The following CENPP variants were observed in gnomAD, a reference collection of about 807,000 sequenced individuals.
CENPP encodes centromere protein P.
In CENPP, 24 loss-of-function variants were observed where a neutral mutation model predicts 35.6. The observed-to-expected ratio is 0.67, with a 90% CI of 0.49 to 0.95. The LOEUF (loss-of-function observed/expected upper bound fraction) is 0.95. Among genes scored for constraint, CENPP ranks in the 40% least tolerant of loss-of-function variants. CENPP has a pLI of 0.00. For synonymous variants in CENPP, 120 were observed against 125.5 expected (o/e 0.96, Z 0.29); for missense variants, 332 against 345.3 (o/e 0.96, Z 0.31).
intron 5 of CENPP, among the ~76,000 whole-genome samples, chr9:92,453,004 G>T (rs1030744561): frequency 6.6e-6 from 1 of 151,928 alleles, no homozygotes; most frequent in Admixed American, 6.6e-5. Flanking sequence ...TTCTTTATTA[G>T]TCTTGCTAGG....
At chr9:92,481,247 C>T (rs1845900707) in intron 5 of CENPP, among the ~76,000 whole-genome samples, 1 of 152,130 alleles carries the variant, frequency 6.6e-6, no homozygotes, top group African/African-American at 2.4e-5. Flanking sequence ...GACTATATAT[C>T]CTCTGTTCTT....
intron 5 of CENPP, among the ~76,000 whole-genome samples, chr9:92,540,644 G>A (rs1253495541): frequency 4.0e-5 from 6 of 151,560 alleles, no homozygotes; most frequent in South Asian, 4.2e-4. Flanking sequence ...GGTGGCACGC[G>A]CCTGTAGTCG....
chr9:92,611,206 C>T (rs1851231752), intron 5 of CENPP, 108 bp from the exon 6 acceptor site: 1 of 872,070 alleles, frequency 1.1e-6, no homozygotes, highest in Non-Finnish European at 1.9e-6. Context: ...TGCGCAAACA[C>T]TCGGACCCTG....
chr9:92,512,051 T>A (rs767046393), intron 5 of CENPP: 2 of 1,613,616 alleles, frequency 1.2e-6, no homozygotes, highest in Non-Finnish European at 1.7e-6. Flanking sequence ...AGTGATATTA[T>A]TTTTACTCAG....
Position 92,474,502 on chromosome 9 carries a change from C to T in CENPP, c.564+94643C>T, listed in dbSNP as rs759099503. On this transcript the variant is annotated intron_variant, in intron 5 of 7. Coordinates refer to ENST00000375587, the MANE Select transcript of CENPP (RefSeq NM_001012267.3). ...GTTTGCTGTACTTTCCACCTAAAAACTTAAATGAAAAAAACTTATACACTC... is the reference window on the plus strand; with the variant it reads ...GTTTGCTGTACTTTCCACCTAAAAATTTAAATGAAAAAAACTTATACACTC... 492 of 1,395,210 alleles carry T rather than the reference C, an allele frequency of 3.5e-4. 4 individuals are homozygous for T. The highest frequency in any genetic ancestry group is 2.4e-3 in the Middle Eastern group (10 of 4,102). 86.4% of individuals were successfully genotyped at this position (1,395,210 alleles called of 1,614,324 possible).
At chr9:92,517,368 C>T (rs2131220760) in intron 5 of CENPP, 2 of 518,116 alleles carry the variant, frequency 3.9e-6, no homozygotes, top group South Asian at 4.6e-5. Context: ...AAGCAGAGCC[C>T]TTAATGCAAT....
At chr9:92,466,304 A>T in intron 5 of CENPP, 2 of 1,173,398 alleles carry the variant, frequency 1.7e-6, no homozygotes, top group South Asian at 2.6e-5. Flanking sequence ...AAAGTGTTCT[A>T]CATCTGCTTG....
intron 5 of CENPP, among the ~76,000 whole-genome samples, chr9:92,443,230 G>A (rs1588132901): frequency 6.6e-6 from 1 of 152,114 alleles, no homozygotes; most frequent in African/African-American, 2.4e-5. Context: ...TCTAATCAGT[G>A]TAATCAGCAG....
rs184052542 is a variant in CENPP at position 92,454,771 on chromosome 9, G to A, written c.564+74912G>A. ...GGTGAGGAAGCAGGCTCAGAGAGGT[G>A]GTAACTTGCCCAAGACTATAAATGG... On this transcript the variant is annotated intron_variant, in intron 5 of 7. Transcript: ENST00000375587. Among the ~76,000 whole-genome samples, 5 of 152,204 alleles carry A rather than the reference G, an allele frequency of 3.3e-5. No homozygotes were observed. The East Asian group carries it at 9.7e-4, about 29-fold the overall frequency.
intron 5 of CENPP, among the ~76,000 whole-genome samples, chr9:92,525,569 C>A (rs959222073): frequency 1.3e-4 from 20 of 152,090 alleles, no homozygotes; most frequent in African/African-American, 4.6e-4. Context: ...CTGGTATAAA[C>A]AAACCTACTG....
chr9:92,365,003 G>A (rs576299871), intron 4 of CENPP, among the ~76,000 whole-genome samples: 2 of 152,318 alleles, frequency 1.3e-5, no homozygotes, highest in East Asian at 3.9e-4. Context: ...CAAGTCGCTA[G>A]TGTTCCTTCA....
At chr9:92,564,782 C>T (rs924508879) in intron 5 of CENPP, among the ~76,000 whole-genome samples, 2 of 152,256 alleles carry the variant, frequency 1.3e-5, no homozygotes, top group Admixed American at 6.5e-5. Context: ...ATTACAGGAA[C>T]CAAAATAAGA....
At chr9:92,350,314 A>G (rs1272190542) in intron 4 of CENPP, among the ~76,000 whole-genome samples, 1 of 152,250 alleles carries the variant, frequency 6.6e-6, no homozygotes, top group Non-Finnish European at 1.5e-5. Flanking sequence ...GGAAAAATAG[A>G]TAAATTACAG....
chr9:92,600,301 A>G (rs1850877890), intron 5 of CENPP: 10 of 1,478,058 alleles, frequency 6.8e-6, no homozygotes, highest in Non-Finnish European at 8.1e-6. Flanking sequence ...ATACAGGCCC[A>G]TTATTCATGC....
intron 5 of CENPP, among the ~76,000 whole-genome samples, chr9:92,576,558 G>C (rs1850287278): frequency 6.6e-6 from 1 of 152,064 alleles, no homozygotes; most frequent in East Asian, 1.9e-4. Flanking sequence ...TTGTATGCCT[G>C]TTTGTTGATG....
At chr9:92,516,400 T>G (rs1435344750) in intron 5 of CENPP, among the ~76,000 whole-genome samples, 1 of 152,126 alleles carries the variant, frequency 6.6e-6, no homozygotes, top group Non-Finnish European at 1.5e-5. Flanking sequence ...ATTTAAAAAT[T>G]TACTTAATCA....
intron 5 of CENPP, among the ~76,000 whole-genome samples, chr9:92,396,560 A>C (rs2130913661): frequency 1.3e-5 from 1 of 77,838 alleles, no homozygotes; most frequent in Non-Finnish European, 2.4e-5. Context: ...CAGGCCTTAC[A>C]TACCTTTATT....
intron 5 of CENPP, chr9:92,495,609 TA>T (rs1256906428): frequency 1.0e-6 from 1 of 961,594 alleles, no homozygotes; most frequent in Non-Finnish European, 1.2e-6. Flanking sequence ...TGTTTAACTT[TA>T]AAAAATAATT....
chr9:92,530,225 A>G (rs1301380487), intron 5 of CENPP, among the ~76,000 whole-genome samples: 2 of 152,180 alleles, frequency 1.3e-5, no homozygotes, highest in African/African-American at 4.8e-5. Context: ...GTCATTAAAA[A>G]TTTGTCAAAA....
Sources: allele counts gnomAD v4.1 joint callset (sites outside exome capture counted in the v4.1 genomes callset), GRCh38; gene constraint gnomAD v4.1.1; transcripts MANE v1.5; gene names NCBI Gene and HGNC (gene_info 2026-07-23, HGNC 2026-07-21).